The following EPS15L1 variants were observed in gnomAD, a reference collection of about 807,000 sequenced individuals.
The protein encoded by EPS15L1 is epidermal growth factor receptor pathway substrate 15 like 1.
Under a neutral mutation model 117.1 loss-of-function variants are expected in EPS15L1, and 43 were observed. The observed-to-expected ratio is 0.37, with a 90% CI of 0.29 to 0.47. EPS15L1 has a LOEUF of 0.47. EPS15L1 is among the 20% of genes least tolerant of loss of function. The pLI, the probability that EPS15L1 is intolerant of heterozygous loss-of-function variation, is 0.99. For synonymous variants in EPS15L1, 459 were observed against 470.5 expected (o/e 0.98, Z 0.32); for missense variants, 981 against 1,164.0 (o/e 0.84, Z 2.29).
chr19:16,445,600 T>C (rs1006951225), intron 1 of EPS15L1, among the ~76,000 whole-genome samples: 2 of 152,078 alleles, frequency 1.3e-5, no homozygotes, highest in African/African-American at 4.8e-5. Flanking sequence ...ATGTTGCTAA[T>C]GACATAAATC....
chr19:16,410,072 T>C (rs994955268), intron 13 of EPS15L1, among the ~76,000 whole-genome samples: 1 of 150,662 alleles, frequency 6.6e-6, no homozygotes, highest in East Asian at 1.9e-4. Flanking sequence ...AGGCGGAGGC[T>C]GCAGTGAGCT....
chr19:16,377,699 G>A (rs771455497), intron 21 of EPS15L1, among the ~76,000 whole-genome samples: 4 of 152,208 alleles, frequency 2.6e-5, no homozygotes, highest in African/African-American at 7.2e-5. Flanking sequence ...TGAGCTGGCC[G>A]GTGTGGTCAC....
intron 23 of EPS15L1, 40 bp from the exon 24 acceptor site, chr19:16,355,891 G>T: frequency 6.5e-7 from 1 of 1,528,504 alleles, no homozygotes; most frequent in Middle Eastern, 1.7e-4. Flanking sequence ...GTGGCCCTGG[G>T]GCTGGGACCT....
At chr19:16,461,419 C>T (rs997534821) in intron 1 of EPS15L1, among the ~76,000 whole-genome samples, 2 of 151,654 alleles carry the variant, frequency 1.3e-5, no homozygotes, top group African/African-American at 2.4e-5. Context: ...CTCAGGAGTT[C>T]GAAACTGGCC....
rs775049625 is a variant in EPS15L1 at position 16,404,701 on chromosome 19, C to T, written c.1315G>A (p.Glu439Lys). The change falls in exon 14 of 24, where the codon GAG becomes AAG. Residue 439 changes from glutamate to lysine, a missense_variant. Glu to Lys is a moderately conservative substitution (Grantham distance 56, BLOSUM62 1). Transcript: ENST00000455140. This position sits in a 1 kb window ranked among gnomAD's most constrained non-coding sequence, Gnocchi z 4.2. ...DRETSSLQEL[E>K]AQKQDAQDRL... ...TCTTGAGCATCCTGTTTCTGAGCCT[C>T]GAGCTCCTGCAAACTGCTTGTTTCC... 4 of 1,614,194 alleles carry T rather than the reference C, an allele frequency of 2.5e-6. No individual in the cohort carries two copies. Among genetic ancestry groups the T allele is most frequent in the South Asian group, 2.2e-5 (2 of 91,082 alleles).
intron 22 of EPS15L1, among the ~76,000 whole-genome samples, chr19:16,363,101 G>A (rs1199549732): frequency 5.9e-5 from 9 of 152,058 alleles, no homozygotes; most frequent in Non-Finnish European, 1.2e-4. Context: ...GGTGACGGGA[G>A]GTCCCACCTG....
intron 1 of EPS15L1, among the ~76,000 whole-genome samples, chr19:16,450,647 A>C (rs1037059786): frequency 4.0e-5 from 6 of 150,558 alleles, no homozygotes; most frequent in Non-Finnish European, 8.9e-5. Context: ...CACCTGGCTA[A>C]ATTTTTGTAT....
chr19:16,401,104 T>C, intron 16 of EPS15L1: 1 of 985,256 alleles, frequency 1.0e-6, no homozygotes, highest in Non-Finnish European at 1.2e-6. Context: ...ATTTAGACGA[T>C]AAAGCTGATG....
At chr19:16,419,873 T>C (rs2092797726) in intron 10 of EPS15L1, among the ~76,000 whole-genome samples, 1 of 152,178 alleles carries the variant, frequency 6.6e-6, no homozygotes, top group Non-Finnish European at 1.5e-5. Flanking sequence ...TCCCGCCCCT[T>C]CTCTGCTCCT....
intron 5 of EPS15L1, among the ~76,000 whole-genome samples, chr19:16,437,223 A>G (rs551445230): frequency 6.6e-6 from 1 of 152,360 alleles, no homozygotes; most frequent in African/African-American, 2.4e-5. Context: ...GAATGCTGGT[A>G]GCAGCACTAT....
intron 7 of EPS15L1, among the ~76,000 whole-genome samples, chr19:16,431,723 T>C (rs1333569393): frequency 6.6e-6 from 1 of 152,184 alleles, no homozygotes; most frequent in Non-Finnish European, 1.5e-5. Flanking sequence ...AAAGAAAGGA[T>C]CAGTGTTTGA....
At chr19:16,373,290 G>A (rs1179045226) in intron 22 of EPS15L1, among the ~76,000 whole-genome samples, 1 of 152,094 alleles carries the variant, frequency 6.6e-6, no homozygotes, top group Non-Finnish European at 1.5e-5. Flanking sequence ...CGCATCTCGC[G>A]CAAAGCCCCA....
intron 13 of EPS15L1, among the ~76,000 whole-genome samples, chr19:16,411,574 G>A (rs2092705947): frequency 6.6e-6 from 1 of 152,184 alleles, no homozygotes; most frequent in Admixed American, 6.5e-5. Context: ...CAGCACATTT[G>A]ACATTAATTA....
intron 7 of EPS15L1, among the ~76,000 whole-genome samples, chr19:16,432,433 T>C (rs1242075318): frequency 1.3e-5 from 2 of 152,158 alleles, no homozygotes; most frequent in African/African-American, 4.8e-5. Context: ...CCAGGCGTGG[T>C]GGCGGGCGCC....
At chr19:16,408,818 TA>T (rs1174160520) in intron 13 of EPS15L1, among the ~76,000 whole-genome samples, 1 of 152,140 alleles carries the variant, frequency 6.6e-6, no homozygotes, top group African/African-American at 2.4e-5. Flanking sequence ...GAGAGGCAGA[TA>T]GGTCAATGGG....
intron 21 of EPS15L1, among the ~76,000 whole-genome samples, chr19:16,382,178 G>A (rs944130957): frequency 2.0e-5 from 3 of 152,282 alleles, no homozygotes; most frequent in South Asian, 2.1e-4. Flanking sequence ...TTGGCAACTC[G>A]CGAGGCGACA....
intron 16 of EPS15L1, chr19:16,401,267 G>T: frequency 1.0e-6 from 1 of 985,522 alleles, no homozygotes; most frequent in Non-Finnish European, 1.2e-6. Flanking sequence ...CAGCCCAGGG[G>T]ACGCGTGTGC....
intron 12 of EPS15L1, among the ~76,000 whole-genome samples, chr19:16,416,889 A>G (rs1199603943): frequency 3.3e-5 from 5 of 152,182 alleles, no homozygotes; most frequent in African/African-American, 9.7e-5. Flanking sequence ...CCAGACTCTA[A>G]AAGTACAGAC....
At chr19:16,356,051 G>C (rs1484100272) in intron 23 of EPS15L1, among the ~76,000 whole-genome samples, 200 bp from the exon 24 acceptor site, 1 of 152,268 alleles carries the variant, frequency 6.6e-6, no homozygotes, top group Non-Finnish European at 1.5e-5. Flanking sequence ...GGAAAGCAGA[G>C]TGGACGGGAT....
Sources: allele counts gnomAD v4.1 joint callset (sites outside exome capture counted in the v4.1 genomes callset), GRCh38; gene constraint gnomAD v4.1.1; non-coding constraint Gnocchi (gnomAD v3.1); transcripts MANE v1.5; gene names NCBI Gene and HGNC (gene_info 2026-07-23, HGNC 2026-07-21).